The following LRP2 variants were observed in gnomAD, a reference collection of about 807,000 sequenced individuals.
LRP2 encodes low-density lipoprotein receptor-related protein 2.
LRP2 carries 172 observed loss-of-function variants against 531.0 expected under a neutral mutation model. The ratio of observed to expected loss-of-function variants is 0.32; its 90% confidence interval spans 0.29 to 0.37. The LOEUF (loss-of-function observed/expected upper bound fraction) is 0.37. LRP2 is among the 10% of genes least tolerant of loss of function. The pLI is 1.00. For synonymous variants in LRP2, 1,992 were observed against 2,027.6 expected, an observed-to-expected ratio of 0.98 and a Z score of 0.47; for missense variants, 5,167 against 5,868.3, an observed-to-expected ratio of 0.88 and a Z score of 3.90.
chr2:169,227,997 C>T (rs894623073), intron 31 of LRP2, among the ~76,000 whole-genome samples: 1 of 152,142 alleles, frequency 6.6e-6, no homozygotes, highest in Non-Finnish European at 1.5e-5. Flanking sequence ...CACATTGCCT[C>T]TCTTCTGAAC....
chr2:169,290,758 C>A (rs1683978391), intron 8 of LRP2, 87 bp downstream of exon 8: 1 of 1,409,094 alleles, frequency 7.1e-7, no homozygotes. Flanking sequence ...TATGCAAATG[C>A]CAACAGATAC....
At chr2:169,292,164 A>G (rs1023562521) in intron 7 of LRP2, 89 bp downstream of exon 7, 1 of 1,052,780 alleles carries the variant, frequency 9.5e-7, no homozygotes, top group African/African-American at 1.6e-5. Flanking sequence ...CTTGTCACAC[A>G]AAATTTCTAA....
chr2:169,340,201 C>T (rs997176310), intron 1 of LRP2, among the ~76,000 whole-genome samples: 2 of 151,884 alleles, frequency 1.3e-5, no homozygotes, highest in African/African-American at 4.8e-5. Context: ...TCCATCATTC[C>T]CCCATAATAT....
chr2:169,313,924 A>G (rs1684688539), intron 3 of LRP2, among the ~76,000 whole-genome samples: 2 of 152,168 alleles, frequency 1.3e-5, no homozygotes, highest in African/African-American at 4.8e-5. Flanking sequence ...AATGAAGTCT[A>G]TTTTAGAGTC....
At chr2:169,323,016 A>T (rs969391906) in intron 1 of LRP2, among the ~76,000 whole-genome samples, 9 of 152,192 alleles carry the variant, frequency 5.9e-5, no homozygotes, top group Non-Finnish European at 8.8e-5. Context: ...TAAAATACCA[A>T]GTTAAACACA....
chr2:169,241,487 A>G, intron 24 of LRP2, 122 bp from the exon 25 acceptor site: 2 of 1,022,688 alleles, frequency 2.0e-6, no homozygotes, highest in Non-Finnish European at 1.5e-6. Flanking sequence ...CTATGACCAA[A>G]TTAATATTTA....
At chr2:169,342,866 C>T (rs575364481) in intron 1 of LRP2, among the ~76,000 whole-genome samples, 2 of 152,354 alleles carry the variant, frequency 1.3e-5, no homozygotes, top group African/African-American at 4.8e-5. Context: ...TCTAGCTTGA[C>T]AGCTTTCTCA....
chr2:169,277,247 A>G, intron 13 of LRP2, among the ~76,000 whole-genome samples: 1 of 152,052 alleles, frequency 6.6e-6, no homozygotes, highest in Admixed American at 6.6e-5. Flanking sequence ...ATTGCTGTTT[A>G]AGTATCTTTG....
At chr2:169,354,270 G>T (rs955695471) in intron 1 of LRP2, among the ~76,000 whole-genome samples, 1 of 152,130 alleles carries the variant, frequency 6.6e-6, no homozygotes, top group Non-Finnish European at 1.5e-5. Context: ...AGATCAGTGA[G>T]GAAAGACTTA....
intron 33 of LRP2, among the ~76,000 whole-genome samples, chr2:169,222,530 C>T (rs2105355954): frequency 6.6e-6 from 1 of 152,234 alleles, no homozygotes; most frequent in Non-Finnish European, 1.5e-5. Flanking sequence ...AAACAGTCAT[C>T]CCCCTCATCC....
chr2:169,307,207 TC>T, intron 4 of LRP2, 73 bp downstream of exon 4: 1 of 991,698 alleles, frequency 1.0e-6, no homozygotes, highest in East Asian at 2.4e-5. Flanking sequence ...CATCAACAAA[TC>T]TAACAAATTG....
intron 26 of LRP2, 37 bp downstream of exon 26, chr2:169,239,490 G>A: frequency 1.9e-6 from 3 of 1,613,838 alleles, no homozygotes; most frequent in Non-Finnish European, 2.5e-6. Flanking sequence ...GCTCTGGGAT[G>A]TGCTGATAAA....
At chr2:169,295,274 C>T (rs1684106981) in intron 4 of LRP2, among the ~76,000 whole-genome samples, 1 of 152,198 alleles carries the variant, frequency 6.6e-6, no homozygotes, top group African/African-American at 2.4e-5. Flanking sequence ...CTCCATGTTG[C>T]TACTTCCCTA....
chr2:169,175,316 G>A lies in LRP2; in HGVS notation c.10645C>T (p.Pro3549Ser). ...SDGSDELALC[P>S]QRFCRLGQFQ... The stretch of plus-strand genomic sequence containing the variant: ...TGTCCCAGTCGGCAGAAGCGCTGCG[G>A]GCAAAGGGCCAGTTCATCAGAGCCA... Residue 3549 changes from proline (P) to serine (S), a missense_variant, in exon 55 of 79, where the codon CCG (proline) becomes TCG (serine). Coordinates refer to ENST00000649046, the MANE Select transcript of LRP2 (RefSeq NM_004525.3). 7 of 1,614,202 alleles carry A rather than the reference G, an allele frequency of 4.3e-6. 1 individual carries two copies. In the South Asian group the frequency reaches 5.5e-5, roughly 13 times the overall value.
At chr2:169,291,115 T>A in intron 7 of LRP2, 118 bp from the exon 8 acceptor site, 1 of 847,916 alleles carries the variant, frequency 1.2e-6, no homozygotes, top group Non-Finnish European at 1.9e-6. Flanking sequence ...ATAAATGATC[T>A]ACATTTTACA....
chr2:169,284,229 C>CTCTTT (rs1214533905), intron 9 of LRP2, among the ~76,000 whole-genome samples: 1 of 134,512 alleles, frequency 7.4e-6, no homozygotes, highest in Admixed American at 7.3e-5. Flanking sequence ...CAAGTTTCTT[C>CTCTTT]TCTTTTCTTT....
In LRP2 at chr2:169,132,696, A is replaced by T; in HGVS notation, c.13621-15T>A. On this transcript the variant is annotated splice_polypyrimidine_tract_variant and intron_variant, in intron 76 of 78. Transcript: ENST00000649046. ...GATACAGTCACCTGTGGACATGTTA[A>T]AGGCCTTTACCCAATTTTGAAAGAA... 1 of 1,254,400 alleles carries T rather than the reference A, an allele frequency of 8.0e-7. No homozygotes were observed. The highest frequency in any genetic ancestry group is 1.7e-5 in the Admixed American group (1 of 59,508). 77.7% of individuals were successfully genotyped at this position (1,254,400 alleles called of 1,614,324 possible).
intron 49 of LRP2, among the ~76,000 whole-genome samples, chr2:169,187,454 A>G (rs922243103): frequency 1.3e-5 from 2 of 152,226 alleles, no homozygotes; most frequent in African/African-American, 4.8e-5. Context: ...AAACACCACA[A>G]ACAGGACGAA....
intron 34 of LRP2, among the ~76,000 whole-genome samples, chr2:169,216,877 G>A (rs542875718): frequency 9.9e-5 from 15 of 152,140 alleles, no homozygotes; most frequent in Admixed American, 2.6e-4. Context: ...CCACAAGACC[G>A]GCTACTTAAT....
Sources: allele counts gnomAD v4.1 joint callset (sites outside exome capture counted in the v4.1 genomes callset), GRCh38; gene constraint gnomAD v4.1.1; transcripts MANE v1.5; gene names NCBI Gene and HGNC (gene_info 2026-07-23, HGNC 2026-07-21).